The following CNTN1 variants were observed in gnomAD, a reference collection of about 807,000 sequenced individuals.
CNTN1 encodes contactin 1, also known as contactin-1.
CNTN1 carries 38 observed loss-of-function variants against 126.4 expected under a neutral mutation model. The ratio of observed to expected loss-of-function variants is 0.30; its 90% confidence interval spans 0.23 to 0.39. CNTN1 has a LOEUF of 0.39. CNTN1 is among the 10% of genes least tolerant of loss of function. The pLI, the probability that CNTN1 is intolerant of heterozygous loss-of-function variation, is 1.00. For missense variants in CNTN1, 1,009 were observed against 1,248.4 expected (o/e 0.81, Z 2.89); for synonymous variants, 413 against 422.6 (o/e 0.98, Z 0.28).
chr12:40,916,728 A>G (rs1945258308), intron 3 of CNTN1, among the ~76,000 whole-genome samples: 2 of 152,088 alleles, frequency 1.3e-5, no homozygotes, highest in South Asian at 4.1e-4. Context: ...AATCTTAATA[A>G]TAATTGTGGT....
intron 16 of CNTN1, among the ~76,000 whole-genome samples, chr12:40,987,464 C>T (rs1947982999): frequency 6.6e-6 from 1 of 152,030 alleles, no homozygotes; most frequent in Non-Finnish European, 1.5e-5. Context: ...GTGTTTGATT[C>T]TATGCTGTTG....
chr12:41,009,548 T>C lies in CNTN1; in HGVS notation c.2114-4680T>C, dbSNP rs563310261. The stretch of plus-strand genomic sequence containing the variant: ...TCCTTCCTTTCTGATACATACAGAT[T>C]GAAGGCCCTTCCTATGGAAAGGCTG... On this transcript the variant is annotated intron_variant, in intron 17 of 23. Coordinates refer to ENST00000551295, the MANE Select transcript of CNTN1 (RefSeq NM_001843.4). 2.6e-5 allele frequency among the ~76,000 whole-genome samples: 4 copies of C among 152,308 alleles called. No individual in the cohort carries two copies. In the East Asian group the frequency reaches 5.8e-4, roughly 22 times the overall value.
chr12:40,718,168 TTTTTG>T (rs1297054436), intron 1 of CNTN1, among the ~76,000 whole-genome samples: 1 of 151,888 alleles, frequency 6.6e-6, no homozygotes, highest in Admixed American at 6.6e-5. Context: ...CATGAAAGGT[TTTTTG>T]TTTTGTTTTG....
intron 1 of CNTN1, among the ~76,000 whole-genome samples, chr12:40,767,391 C>CTCTGCCT (rs1458758289): frequency 2.2e-5 from 3 of 139,106 alleles, no homozygotes; most frequent in African/African-American, 8.1e-5. Flanking sequence ...TCACTGCAAG[C>CTCTGCCT]TCTGCCTCCC....
At chr12:41,012,919 C>T (rs1948696600) in intron 17 of CNTN1, among the ~76,000 whole-genome samples, 1 of 152,068 alleles carries the variant, frequency 6.6e-6, no homozygotes, top group Non-Finnish European at 1.5e-5. Context: ...GATTCATCAT[C>T]TCACACCAGG....
At chr12:40,967,357 G>A (rs1202389323) in intron 15 of CNTN1, among the ~76,000 whole-genome samples, 2 of 151,904 alleles carry the variant, frequency 1.3e-5, no homozygotes, top group African/African-American at 4.8e-5. Context: ...GCACATGCCT[G>A]TAGTCCCCCC....
At chr12:40,921,791 C>T (rs1401646099) in intron 4 of CNTN1, among the ~76,000 whole-genome samples, 1 of 152,100 alleles carries the variant, frequency 6.6e-6, no homozygotes, top group Non-Finnish European at 1.5e-5. Context: ...TTGAGCAGAA[C>T]CCACTGTCAA....
chr12:40,719,363 C>T (rs942672666), intron 1 of CNTN1, among the ~76,000 whole-genome samples: 6 of 152,020 alleles, frequency 3.9e-5, no homozygotes, highest in Admixed American at 3.9e-4. Flanking sequence ...TATATATAGG[C>T]CTAATCATTT....
intron 1 of CNTN1, among the ~76,000 whole-genome samples, chr12:40,781,191 A>C (rs781318619): frequency 2.0e-5 from 3 of 152,038 alleles, no homozygotes; most frequent in Non-Finnish European, 4.4e-5. Flanking sequence ...CCATATTTGC[A>C]CAGATAGGTA....
chr12:40,959,756 A>C (rs1463839729), intron 15 of CNTN1, among the ~76,000 whole-genome samples: 1 of 152,034 alleles, frequency 6.6e-6, no homozygotes, highest in Non-Finnish European at 1.5e-5. Flanking sequence ...TGGAATATAC[A>C]TTTATTAAAA....
intron 1 of CNTN1, among the ~76,000 whole-genome samples, chr12:40,725,401 C>CAAAAAAAAAAAAAAAAAAAAAAAGAAA (rs34242859): frequency 4.4e-5 from 2 of 45,334 alleles, no homozygotes; most frequent in Non-Finnish European, 8.0e-5. Context: ...AACTCTGTCT[C>CAAAAAAAAAAAAAAAAAAAAAAAGAAA]AAAAAAAAAA....
intron 17 of CNTN1, among the ~76,000 whole-genome samples, chr12:41,002,131 G>A (rs896802394): frequency 1.3e-5 from 2 of 151,762 alleles, no homozygotes; most frequent in African/African-American, 4.8e-5. Context: ...TATTTTTTTG[G>A]TTCCATGTGA....
intron 23 of CNTN1, among the ~76,000 whole-genome samples, chr12:41,041,895 T>C (rs1045661012): frequency 3.3e-5 from 5 of 152,036 alleles, no homozygotes; most frequent in African/African-American, 9.7e-5. Flanking sequence ...TTTTGAAGGG[T>C]TTTTTCTGTC....
intron 1 of CNTN1, among the ~76,000 whole-genome samples, chr12:40,701,038 T>A (rs960681319): frequency 1.3e-5 from 2 of 152,198 alleles, no homozygotes; most frequent in Non-Finnish European, 2.9e-5. Context: ...TCCAAGTTTT[T>A]AATTGCTGTG....
chr12:40,820,370 A>G (rs536058849), intron 1 of CNTN1, among the ~76,000 whole-genome samples: 1 of 152,226 alleles, frequency 6.6e-6, no homozygotes, highest in African/African-American at 2.4e-5. Flanking sequence ...GGGGACAAAT[A>G]TTCAAACCAT....
At chr12:40,779,108 C>A (rs1203883306) in intron 1 of CNTN1, among the ~76,000 whole-genome samples, 1 of 151,558 alleles carries the variant, frequency 6.6e-6, no homozygotes, top group African/African-American at 2.4e-5. Flanking sequence ...TTTCTGAAAG[C>A]AAAATAAATA....
chr12:41,029,566 A>G (rs888355648), intron 23 of CNTN1, among the ~76,000 whole-genome samples: 8 of 152,182 alleles, frequency 5.3e-5, no homozygotes, highest in African/African-American at 1.7e-4. Context: ...TCAAATCTTC[A>G]TGTTGTTCAC....
At position 40,971,871 on chromosome 12, in the gene CNTN1, G is replaced by A. The variant is rs1947523855; in HGVS notation, c.1805-9038G>A. 2.8e-6 allele frequency: 3 copies of A among 1,082,610 alleles called. No individual in the cohort carries two copies. The South Asian group carries it at 7.9e-5, about 28-fold the overall frequency. The allele number at this position is 1,082,610 out of a possible 1,614,324, so 67.1% of individuals were successfully genotyped here. On this transcript the variant is annotated intron_variant, in intron 15 of 23. Coordinates refer to ENST00000551295, the MANE Select transcript of CNTN1 (RefSeq NM_001843.4). ...AACTGATGAATTGTATAATACAGGAGTATTGCCATTGAATGTACTGTTTGA... is the reference window on the plus strand; with the variant it reads ...AACTGATGAATTGTATAATACAGGAATATTGCCATTGAATGTACTGTTTGA...
At chr12:40,945,722 T>A (rs1383669065) in intron 14 of CNTN1, among the ~76,000 whole-genome samples, 30 of 144,896 alleles carry the variant, frequency 2.1e-4, no homozygotes, top group Admixed American at 1.4e-4. Context: ...CAGTCCCCTT[T>A]AAAAAAAAAA....
Sources: allele counts gnomAD v4.1 joint callset (sites outside exome capture counted in the v4.1 genomes callset), GRCh38; gene constraint gnomAD v4.1.1; transcripts MANE v1.5; gene names NCBI Gene and HGNC (gene_info 2026-07-23, HGNC 2026-07-21).